The following USP28 variants were observed in gnomAD, a reference collection of about 807,000 sequenced individuals.
The protein encoded by USP28 is ubiquitin carboxyl-terminal hydrolase 28.
In USP28, 113 loss-of-function variants were observed where a neutral mutation model predicts 145.0. That is an observed-to-expected ratio of 0.78 (90% CI 0.67 to 0.91). The LOEUF is 0.91. USP28 is among the 40% of genes least tolerant of loss of function. USP28 has a pLI of 0.00. For missense variants in USP28, 1,201 were observed against 1,289.6 expected, an observed-to-expected ratio of 0.93 and a Z score of 1.05; for synonymous variants, 447 against 450.9, an observed-to-expected ratio of 0.99 and a Z score of 0.11.
chr11:113,809,364 C>G, intron 16 of USP28, 110 bp from the exon 17 acceptor site: 2 of 1,037,332 alleles, frequency 1.9e-6, no homozygotes, highest in South Asian at 1.6e-5. Flanking sequence ...ACTAAAAATA[C>G]ATGCACATAG....
chr11:113,801,472 A>G lies in USP28; in HGVS notation c.3058+11T>C. ...TCAAAACCTCAGAATATTATTACCA[A>G]GAGCATATACCTGCAATATCTTGCC... On this transcript the variant is annotated intron_variant, in intron 24 of 24. Transcript: ENST00000003302. The G allele has an allele frequency of 6.5e-7, 1 of 1,534,258 alleles. No individual in the cohort carries two copies. Among genetic ancestry groups the G allele is most frequent in the East Asian group, 2.3e-5 (1 of 43,786 alleles).
At chr11:113,817,207 T>A (rs1258325793) in intron 13 of USP28, among the ~76,000 whole-genome samples, 1 of 152,186 alleles carries the variant, frequency 6.6e-6, no homozygotes, top group Non-Finnish European at 1.5e-5. Flanking sequence ...CTCTAAGCTG[T>A]CCTCTTATTT....
intron 22 of USP28, 56 bp downstream of exon 23, chr11:113,803,742 T>A (rs995251514): frequency 1.1e-5 from 15 of 1,424,980 alleles, no homozygotes; most frequent in Non-Finnish European, 1.5e-5. Flanking sequence ...CAGGTAGGCA[T>A]CTACAGAGAA....
chr11:113,807,616 C>CA (rs1004572444), intron 18 of USP28, among the ~76,000 whole-genome samples: 33 of 151,444 alleles, frequency 2.2e-4, no homozygotes, highest in African/African-American at 7.5e-4. Context: ...GACTAATATC[C>CA]AAAAAAAAGA....
At chr11:113,874,825 A>G (rs1322687706) in intron 1 of USP28, 1 of 1,051,932 alleles carries the variant, frequency 9.5e-7, no homozygotes, top group African/African-American at 1.7e-5. Context: ...GGAACAGGAG[A>G]TCATCATCAG....
At position 113,808,341 on chromosome 11, in the gene USP28, G is replaced by C. The variant is rs762432455; in HGVS notation, c.2261C>G (p.Ala754Gly). The change falls in exon 18 of 25, where the codon GCC becomes GGC. Residue 754 changes from alanine (A) to glycine (G), a missense_variant. Physicochemically the swap from Ala to Gly is moderately conservative, Grantham distance 60 (BLOSUM62 0). Transcript: ENST00000003302. ...TACACCGCTCTTCTCATAGGCACGG[G>C]CTGTGTTTGCAATAGCCTGGGCAGT... 9 of 1,613,914 alleles carry C rather than the reference G, an allele frequency of 5.6e-6. No individual in the cohort carries two copies. In the South Asian group the frequency reaches 9.9e-5, roughly 18 times the overall value.
intron 1 of USP28, among the ~76,000 whole-genome samples, chr11:113,866,162 C>T (rs373623134): frequency 3.0e-4 from 46 of 152,204 alleles, no homozygotes; most frequent in Admixed American, 1.2e-3. Flanking sequence ...TGTGTTGGCA[C>T]GCGCCTGTAA....
At position 113,865,031 on chromosome 11, in the gene USP28, G is replaced by A. The variant is rs145808204; in HGVS notation, c.57+10414C>T. Among the ~76,000 whole-genome samples, 260 of 152,234 alleles carry A rather than the reference G, an allele frequency of 1.7e-3. 1 individual carries two copies. Among genetic ancestry groups the A allele is most frequent in the African/African-American group, 5.8e-3 (242 of 41,536 alleles). On this transcript the variant is annotated intron_variant, in intron 1 of 24. Transcript: ENST00000003302. ...TTTTTCATATTTTCGGTAAAGGTGA[G>A]GTTTCACCACGTTGCCCAGGCTGGT...
At chr11:113,804,612 AG>A (rs1296432091) in intron 21 of USP28, 60 bp downstream of exon 22, 1 of 1,472,660 alleles carries the variant, frequency 6.8e-7, no homozygotes, top group Non-Finnish European at 9.3e-7. Context: ...ATTTTGCCTC[AG>A]GTACCATTTA....
At chr11:113,832,952 T>C (rs931092739) in intron 7 of USP28, among the ~76,000 whole-genome samples, 1 of 151,724 alleles carries the variant, frequency 6.6e-6, no homozygotes, top group African/African-American at 2.4e-5. Context: ...TAATAGGAGG[T>C]AGGGAAGGGA....
At chr11:113,848,242 G>C (rs1174755916) in intron 3 of USP28, among the ~76,000 whole-genome samples, 2 of 152,194 alleles carry the variant, frequency 1.3e-5, no homozygotes, top group Admixed American at 1.3e-4. Flanking sequence ...GTGGACCAAA[G>C]GGAACTCTGC....
chr11:113,823,596 A>C lies in USP28; in HGVS notation c.1283+9T>G, dbSNP rs1344612207. 1.9e-6 allele frequency: 3 copies of C among 1,598,950 alleles called. No individual in the cohort carries two copies. In the East Asian group the frequency reaches 6.7e-5, roughly 36 times the overall value. On this transcript the variant is annotated intron_variant, in intron 12 of 24. Coordinates refer to ENST00000003302, the Ensembl canonical transcript of USP28. Reference sequence around the variant, plus strand: ...TACATTTCTAAGCATGAAGGTGTCCAAAACTCACCTTTCCAATTTTTGCTG... The same window carrying C: ...TACATTTCTAAGCATGAAGGTGTCCCAAACTCACCTTTCCAATTTTTGCTG...
chr11:113,830,722 A>G (rs1943883444), intron 9 of USP28, 145 bp downstream of exon 9: 1 of 632,660 alleles, frequency 1.6e-6, no homozygotes, highest in Non-Finnish European at 2.6e-6. Context: ...ATCCACAGTT[A>G]AACAGATACC....
chr11:113,821,697 TC>T (rs1483303312), intron 12 of USP28: 2 of 196,702 alleles, frequency 1.0e-5, no homozygotes, highest in African/African-American at 4.7e-5. Context: ...CCTAGGAGTT[TC>T]CTCTTTCTTT....
exon 17 of USP28, chr11:113,809,217 C>A: frequency 6.2e-7 from 1 of 1,614,158 alleles, no homozygotes; most frequent in East Asian, 2.2e-5. Context: ...ATAGGGCTTC[C>A]ACTTCTGACA....
chr11:113,802,848 G>T (rs1939279667), intron 23 of USP28, among the ~76,000 whole-genome samples: 1 of 152,162 alleles, frequency 6.6e-6, no homozygotes, highest in African/African-American at 2.4e-5. Flanking sequence ...AAAAGGATCT[G>T]AGCTCAAGGA....
exon 14 of USP28, chr11:113,815,339 A>T: frequency 6.2e-7 from 1 of 1,614,228 alleles, no homozygotes. Context: ...TCAGGAGAAG[A>T]AAAGGTACTT....
chr11:113,833,544 A>AT lies in USP28; in HGVS notation c.634dup (p.Ile212AsnfsTer19). 1 of 1,613,620 alleles carries AT rather than the reference A, an allele frequency of 6.2e-7. No individual in the cohort carries two copies. Among genetic ancestry groups the AT allele is most frequent in the Non-Finnish European group, 8.5e-7 (1 of 1,179,852 alleles). On this transcript the variant is annotated frameshift_variant, in exon 7 of 25. Transcript: ENST00000003302. LOFTEE classifies it high-confidence loss of function. Reference sequence around the variant, plus strand: ...ATACTGAAGCTCTTGCATAAACATGATATTTCTCTTTTCCTGTAGAAAACA... The same window carrying AT: ...ATACTGAAGCTCTTGCATAAACATGATTATTTCTCTTTTCCTGTAGAAAACA...
chr11:113,824,472 C>G (rs989409370), intron 11 of USP28, among the ~76,000 whole-genome samples: 1 of 151,870 alleles, frequency 6.6e-6, no homozygotes, highest in Admixed American at 6.6e-5. Context: ...TGCCCATCAC[C>G]AAGTCTGATT....
Sources: gnomAD v4.1 joint callset for allele counts (sites outside exome capture counted in the v4.1 genomes callset) on GRCh38, gnomAD v4.1.1 for gene constraint, MANE v1.5 for transcripts, NCBI Gene and HGNC (gene_info 2026-07-23, HGNC 2026-07-21) for gene names.